PDGFC: variants seen among roughly 807,000 people sequenced by gnomAD.
PDGFC encodes the protein platelet-derived growth factor C.
A neutral mutation model predicts 35.5 loss-of-function variants in PDGFC; 12 were observed. The ratio of observed to expected loss-of-function variants is 0.34; its 90% confidence interval spans 0.22 to 0.55. The LOEUF (loss-of-function observed/expected upper bound fraction) is 0.55. Among genes scored for constraint, PDGFC ranks in the 20% least tolerant of loss-of-function variants. The pLI is 0.91. For synonymous variants in PDGFC, 159 were observed against 148.8 expected, an observed-to-expected ratio of 1.07 and a Z score of -0.50; for missense variants, 322 against 412.4, an observed-to-expected ratio of 0.78 and a Z score of 1.90.
intron 1 of PDGFC, among the ~76,000 whole-genome samples, chr4:156,965,437 A>G (rs956251469): frequency 1.3e-5 from 2 of 152,182 alleles, no homozygotes; most frequent in African/African-American, 4.8e-5. Context: ...TTAATAAACA[A>G]GAATATCAAG....
chr4:156,914,769 T>C (rs1215712057), intron 1 of PDGFC, among the ~76,000 whole-genome samples: 1 of 152,194 alleles, frequency 6.6e-6, no homozygotes, highest in Non-Finnish European at 1.5e-5. Context: ...CAGAGAATTA[T>C]ATGCTCAGAT....
At chr4:156,825,730 C>T (rs953564229) in intron 2 of PDGFC, among the ~76,000 whole-genome samples, 57 of 151,610 alleles carry the variant, frequency 3.8e-4, no homozygotes, top group African/African-American at 2.9e-4. Context: ...TACTCTCTGT[C>T]GGAAGGGACC....
intron 1 of PDGFC, among the ~76,000 whole-genome samples, chr4:156,870,186 C>A (rs906707723): frequency 8.6e-5 from 13 of 152,044 alleles, no homozygotes; most frequent in African/African-American, 2.9e-4. Flanking sequence ...TCATTTACTT[C>A]CCCACTTCAT....
At chr4:156,783,766 GGATCTGACAGAAT>G (rs1446203075) in intron 3 of PDGFC, among the ~76,000 whole-genome samples, 4 of 152,104 alleles carry the variant, frequency 2.6e-5, no homozygotes, top group Non-Finnish European at 4.4e-5. Flanking sequence ...ATAGTATTCA[GGATCTGACAGAAT>G]ATTAATGAAG....
At chr4:156,866,061 G>A (rs1188452137) in intron 1 of PDGFC, among the ~76,000 whole-genome samples, 1 of 151,934 alleles carries the variant, frequency 6.6e-6, no homozygotes. Context: ...ACCCATTAAC[G>A]TGTCATTTAG....
intron 3 of PDGFC, among the ~76,000 whole-genome samples, chr4:156,776,770 T>A (rs909061835): frequency 6.6e-6 from 1 of 151,970 alleles, no homozygotes; most frequent in Non-Finnish European, 1.5e-5. Context: ...CGATCAGGAG[T>A]TAAGGAACTG....
intron 2 of PDGFC, among the ~76,000 whole-genome samples, chr4:156,838,115 T>A (rs1729107619): frequency 1.3e-5 from 2 of 152,248 alleles, no homozygotes; most frequent in South Asian, 4.1e-4. Flanking sequence ...GAGAACTTTA[T>A]TCTGTGTCCA....
chr4:156,863,596 G>A (rs1729768147), intron 1 of PDGFC, among the ~76,000 whole-genome samples: 1 of 152,094 alleles, frequency 6.6e-6, no homozygotes, highest in African/African-American at 2.4e-5. Flanking sequence ...TGGGTTATTT[G>A]TGGGGTGTTT....
At chr4:156,866,865 G>A (rs1729856395) in intron 1 of PDGFC, among the ~76,000 whole-genome samples, 1 of 152,160 alleles carries the variant, frequency 6.6e-6, no homozygotes, top group African/African-American at 2.4e-5. Context: ...TACAGTAAAT[G>A]CATGGTAAAA....
chr4:156,916,984 A>C (rs1731168407), intron 1 of PDGFC, among the ~76,000 whole-genome samples: 1 of 152,212 alleles, frequency 6.6e-6, no homozygotes, highest in Admixed American at 6.5e-5. Context: ...TCTGTGAACC[A>C]GCTGCCCTTA....
chr4:156,792,312 G>A (rs896699017), intron 3 of PDGFC, among the ~76,000 whole-genome samples: 1 of 152,086 alleles, frequency 6.6e-6, no homozygotes, highest in African/African-American at 2.4e-5. Context: ...AAAGACAACT[G>A]TCAATATAAT....
intron 1 of PDGFC, among the ~76,000 whole-genome samples, chr4:156,963,972 G>A (rs1732401633): frequency 6.8e-6 from 1 of 147,966 alleles, no homozygotes. Flanking sequence ...ATTTTCTGAC[G>A]GTCTTGACCA....
chr4:156,819,233 A>G (rs1003542168), intron 2 of PDGFC, among the ~76,000 whole-genome samples: 23 of 151,802 alleles, frequency 1.5e-4, no homozygotes, highest in African/African-American at 5.5e-4. Context: ...GATAATTGAT[A>G]AAGGTGGATA....
intron 1 of PDGFC, among the ~76,000 whole-genome samples, chr4:156,874,993 C>T (rs1730079041): frequency 6.6e-6 from 1 of 152,162 alleles, no homozygotes; most frequent in Non-Finnish European, 1.5e-5. Context: ...GCTGGGATTA[C>T]AAGCACAAGC....
intron 3 of PDGFC, among the ~76,000 whole-genome samples, chr4:156,791,583 A>C (rs1731301433): frequency 6.6e-6 from 1 of 152,214 alleles, no homozygotes; most frequent in Admixed American, 6.5e-5. Context: ...TAAAGCTTGA[A>C]TTTCAAAGAA....
chr4:156,948,530 A>G (rs1192252640), intron 1 of PDGFC, among the ~76,000 whole-genome samples: 5 of 151,978 alleles, frequency 3.3e-5, no homozygotes, highest in Non-Finnish European at 5.9e-5. Flanking sequence ...TTTCCGTTAC[A>G]ATAGGAGAAA....
intron 2 of PDGFC, among the ~76,000 whole-genome samples, chr4:156,824,383 TAC>T (rs1276748296): frequency 1.5e-5 from 2 of 132,600 alleles, no homozygotes; most frequent in East Asian, 2.4e-4. Flanking sequence ...CATACATACA[TAC>T]ACACACATAT....
chr4:156,858,065 G>T (rs1358536550), intron 1 of PDGFC, among the ~76,000 whole-genome samples: 1 of 152,030 alleles, frequency 6.6e-6, no homozygotes, highest in African/African-American at 2.4e-5. Flanking sequence ...ATATATGTTT[G>T]GGTTTACCTG....
intron 3 of PDGFC, among the ~76,000 whole-genome samples, chr4:156,787,528 A>G (rs374561120): frequency 6.6e-6 from 1 of 152,142 alleles, no homozygotes; most frequent in African/African-American, 2.4e-5. Flanking sequence ...AAGAGAGGAG[A>G]CAACATGCGT....
Sources: gnomAD v4.1 joint callset for allele counts (sites outside exome capture counted in the v4.1 genomes callset) on GRCh38, gnomAD v4.1.1 for gene constraint, MANE v1.5 for transcripts, NCBI Gene and HGNC (gene_info 2026-07-23, HGNC 2026-07-21) for gene names.